The following CDH12 variants were observed in gnomAD, a reference collection of about 807,000 sequenced individuals.
CDH12 encodes the protein cadherin-12.
In CDH12, 41 loss-of-function variants were observed where a neutral mutation model predicts 74.1. The ratio of observed to expected loss-of-function variants is 0.55; its 90% CI spans 0.43 to 0.72. The LOEUF is 0.72. Among genes scored for constraint, CDH12 ranks in the 30% least tolerant of loss-of-function variants. The pLI is 0.00. For synonymous variants in CDH12, 399 were observed against 355.0 expected (o/e 1.12, Z -1.39); for missense variants, 945 against 977.2 (o/e 0.97, Z 0.44).
chr5:22,340,399 T>C (rs1452273027), intron 3 of CDH12, among the ~76,000 whole-genome samples: 1 of 151,684 alleles, frequency 6.6e-6, no homozygotes, highest in Admixed American at 6.6e-5. Flanking sequence ...TGGTGGCGGG[T>C]GCCTGTAGTC....
intron 2 of CDH12, among the ~76,000 whole-genome samples, chr5:22,479,587 G>C (rs976655136): frequency 6.6e-6 from 1 of 152,176 alleles, no homozygotes; most frequent in African/African-American, 2.4e-5. Context: ...ATGCTGGATA[G>C]AGAATTCCTG....
At chr5:22,652,868 C>T (rs1473366459) in intron 1 of CDH12, among the ~76,000 whole-genome samples, 2 of 152,038 alleles carry the variant, frequency 1.3e-5, no homozygotes, top group Non-Finnish European at 2.9e-5. Flanking sequence ...CCATAGAAGC[C>T]TCTCTATGTG....
At chr5:21,875,004 C>T (rs1751853028) in intron 6 of CDH12, among the ~76,000 whole-genome samples, 1 of 152,264 alleles carries the variant, frequency 6.6e-6, no homozygotes, top group South Asian at 2.1e-4. Context: ...GAACAAGAAC[C>T]CCTAGTAACA....
chr5:21,842,145 A>G lies in CDH12; in HGVS notation c.814+16T>C. 1.9e-6 allele frequency: 3 copies of G among 1,593,434 alleles called. No homozygotes were observed. The highest frequency in any genetic ancestry group is 1.7e-6 in the Non-Finnish European group (2 of 1,169,990). On this transcript the variant is annotated intron_variant, in intron 8 of 14. Coordinates refer to ENST00000382254, the MANE Select transcript of CDH12 (RefSeq NM_004061.5). ...TAAACCGCAATAATTTAGGCTTAAC[A>G]GGAAAGGTGACATACTTTTGGGGAA... is the stretch of plus-strand genomic sequence containing the variant.
At chr5:22,137,206 G>A (rs1237636066) in intron 4 of CDH12, among the ~76,000 whole-genome samples, 1 of 151,852 alleles carries the variant, frequency 6.6e-6, no homozygotes, top group East Asian at 1.9e-4. Context: ...TTTGAACTTT[G>A]TTTTTCATAT....
intron 4 of CDH12, among the ~76,000 whole-genome samples, chr5:22,084,992 A>G (rs934030279): frequency 9.9e-5 from 15 of 152,178 alleles, no homozygotes; most frequent in African/African-American, 3.1e-4. Flanking sequence ...AGGAAGACAG[A>G]TTTGCTACAA....
intron 5 of CDH12, among the ~76,000 whole-genome samples, chr5:21,976,147 C>T (rs1580055529): frequency 6.6e-6 from 1 of 152,226 alleles, no homozygotes; most frequent in East Asian, 1.9e-4. Context: ...CACTGATTAT[C>T]CTTTCAGATT....
chr5:21,795,062 CCTCCATAT>C lies in CDH12; in HGVS notation c.1256+7097_1256+7104del, dbSNP rs555029695. Among the ~76,000 whole-genome samples the C allele has an allele frequency of 4.2e-4, 63 of 151,506 alleles. 1 individual carries two copies. The East Asian group carries it at 0.012, about 29-fold the overall frequency. Reference sequence around the variant, plus strand: ...ATAAAAGAGTTCATCTTTTTTGAGACCTCCATATCATATCTATTTCCTTTAGTATTCAC... The same window carrying C: ...ATAAAAGAGTTCATCTTTTTTGAGACCATATCTATTTCCTTTAGTATTCAC... On this transcript the variant is annotated intron_variant, in intron 10 of 14. Transcript: ENST00000382254.
intron 3 of CDH12, among the ~76,000 whole-genome samples, chr5:22,247,661 T>C (rs7700641): frequency 0.99 from 149,762 of 151,984 alleles, 73,829 homozygotes; most frequent in East Asian, 1. Flanking sequence ...GGCGACAGAG[T>C]GAGACTCCGT....
chr5:21,905,816 C>T (rs1451476567), intron 6 of CDH12, among the ~76,000 whole-genome samples: 1 of 152,130 alleles, frequency 6.6e-6, no homozygotes, highest in Non-Finnish European at 1.5e-5. Context: ...CCTTATTGCA[C>T]TGAAAATACT....
chr5:22,696,285 G>C (rs1425842446), intron 1 of CDH12, among the ~76,000 whole-genome samples: 1 of 150,416 alleles, frequency 6.6e-6, no homozygotes, highest in African/African-American at 2.5e-5. Flanking sequence ...GCAGGAGAAT[G>C]GGGTGAACCT....
At chr5:21,811,807 C>G (rs1747763719) in intron 9 of CDH12, among the ~76,000 whole-genome samples, 1 of 146,496 alleles carries the variant, frequency 6.8e-6, no homozygotes, top group Middle Eastern at 3.9e-3. Flanking sequence ...TTACCAATAT[C>G]TTATGCCTTG....
intron 1 of CDH12, among the ~76,000 whole-genome samples, chr5:22,668,839 A>G (rs1156763618): frequency 6.6e-6 from 1 of 151,400 alleles, no homozygotes; most frequent in Non-Finnish European, 1.5e-5. Context: ...CTGTATCTCC[A>G]CCCTTTTATC....
chr5:22,450,083 G>T (rs1744983342), intron 2 of CDH12, among the ~76,000 whole-genome samples: 1 of 151,930 alleles, frequency 6.6e-6, no homozygotes. Context: ...ACAGTCTGTG[G>T]TATTTAACAA....
chr5:22,549,930 T>G (rs906929439), intron 1 of CDH12, among the ~76,000 whole-genome samples: 1 of 152,222 alleles, frequency 6.6e-6, no homozygotes, highest in African/African-American at 2.4e-5. Flanking sequence ...GTTCCTAGTT[T>G]GTTGTTTCAT....
intron 4 of CDH12, among the ~76,000 whole-genome samples, chr5:22,093,937 TCA>T (rs1743589243): frequency 1.3e-5 from 2 of 152,168 alleles, no homozygotes; most frequent in Admixed American, 6.5e-5. Context: ...ATAATATTGA[TCA>T]GAGACTACCT....
intron 3 of CDH12, among the ~76,000 whole-genome samples, chr5:22,328,750 A>T (rs1345367981): frequency 5.3e-5 from 8 of 152,204 alleles, no homozygotes. Flanking sequence ...AAAATATAAC[A>T]AGAGAGTAAT....
chr5:22,375,886 T>C (rs1014092582), intron 3 of CDH12, among the ~76,000 whole-genome samples: 1 of 152,066 alleles, frequency 6.6e-6, no homozygotes, highest in African/African-American at 2.4e-5. Context: ...ACAGCCACTA[T>C]GGAAAACAGT....
chr5:22,493,091 T>C (rs1746954651), intron 2 of CDH12, among the ~76,000 whole-genome samples: 1 of 152,200 alleles, frequency 6.6e-6, no homozygotes, highest in Non-Finnish European at 1.5e-5. Flanking sequence ...TCGTTTTTAC[T>C]TCCCATTGTA....
Sources: gnomAD v4.1 joint callset for allele counts (sites outside exome capture counted in the v4.1 genomes callset) on GRCh38, gnomAD v4.1.1 for gene constraint, MANE v1.5 for transcripts, NCBI Gene and HGNC (gene_info 2026-07-23, HGNC 2026-07-21) for gene names.